Variants in RHOBTB1 observed in about 807,000 individuals in gnomAD.
RHOBTB1 encodes the protein rho-related BTB domain-containing protein 1.
A neutral mutation model predicts 71.6 loss-of-function variants in RHOBTB1; 40 were observed. That is an observed-to-expected ratio of 0.56 (90% CI 0.43 to 0.73). The LOEUF is 0.73. Among genes scored for constraint, RHOBTB1 ranks in the 30% least tolerant of loss-of-function variants. RHOBTB1 has a pLI of 0.00. For synonymous variants in RHOBTB1, 319 were observed against 334.9 expected, an observed-to-expected ratio of 0.95 and a Z score of 0.52; for missense variants, 797 against 894.0, an observed-to-expected ratio of 0.89 and a Z score of 1.38.
In RHOBTB1 at chr10:60,964,361, T is replaced by C. The variant is rs192833840; in HGVS notation, c.-62+21484A>G. Among the ~76,000 whole-genome samples the C allele has an allele frequency of 2.2e-4, 34 of 152,108 alleles. No homozygotes were observed. The East Asian group carries it at 5.2e-3, about 23-fold the overall frequency. ...CCACCACTGCCCTCTAGGGGACACA[T>C]GGAAAATAAGCAAAGTCTCTCAAGC... is the stretch of plus-strand genomic sequence containing the variant. On this transcript the variant is annotated intron_variant, in intron 2 of 11. Transcript: ENST00000357917.
At chr10:60,896,456 T>TG (rs1216939441) in intron 4 of RHOBTB1, among the ~76,000 whole-genome samples, 1 of 152,186 alleles carries the variant, frequency 6.6e-6, no homozygotes, top group Non-Finnish European at 1.5e-5. Flanking sequence ...TACAGATATT[T>TG]GGGGTAAAAA....
chr10:60,949,072 C>T (rs2085328854), upstream of RHOBTB1, among the ~76,000 whole-genome samples: 1 of 152,192 alleles, frequency 6.6e-6, no homozygotes, highest in African/African-American at 2.4e-5. Context: ...ACTGACTGTT[C>T]TGAGGCTCTT....
At position 60,888,244 on chromosome 10, in the gene RHOBTB1, A is replaced by G; in HGVS notation, c.1424T>C (p.Ile475Thr). Residue 475 changes from isoleucine (I) to threonine (T), a missense_variant, in exon 6 of 11, where the codon ATA becomes ACA. Physicochemically the swap from Ile to Thr is moderately conservative, Grantham distance 89. Around this residue, in one of 2 missense-constraint regions of RHOBTB1, gnomAD observed 658 missense variants for 681.5 expected, o/e 0.97. Coordinates refer to ENST00000337910, the MANE Select transcript of RHOBTB1 (RefSeq NM_014836.5). ...KAFHVRKANRIKECLSKGTFS... is the reference protein window; with the variant it reads ...KAFHVRKANRTKECLSKGTFS... ...CGTTCCCTTGCTGAGACACTCTTTT[A>G]TCCGATTGGCTTTCCTTACGTGAAA... 6.2e-7 allele frequency: 1 copy of G among 1,613,912 alleles called. No homozygotes were observed. Among genetic ancestry groups the G allele is most frequent in the Non-Finnish European group, 8.5e-7 (1 of 1,179,942 alleles).
At chr10:60,886,085 C>A (rs895519759) in intron 7 of RHOBTB1, 27 bp downstream of exon 7, 1 of 1,505,638 alleles carries the variant, frequency 6.6e-7, no homozygotes, top group South Asian at 1.1e-5. Context: ...CATAAAGACA[C>A]CACTATGCTT....
At chr10:60,987,741 A>G (rs1393660931) in intron 1 of RHOBTB1, among the ~76,000 whole-genome samples, 1 of 151,960 alleles carries the variant, frequency 6.6e-6, no homozygotes, top group Non-Finnish European at 1.5e-5. Context: ...TAAACTTTTC[A>G]AGTACGCTTT....
intron 4 of RHOBTB1, among the ~76,000 whole-genome samples, chr10:60,893,891 T>C (rs571434812): frequency 6.6e-6 from 1 of 152,184 alleles, no homozygotes; most frequent in Non-Finnish European, 1.5e-5. Flanking sequence ...TAAACCATCA[T>C]TCTAGGTTAA....
chr10:60,881,167 A>T (rs1442862655), intron 7 of RHOBTB1, among the ~76,000 whole-genome samples: 1 of 152,160 alleles, frequency 6.6e-6, no homozygotes, highest in Non-Finnish European at 1.5e-5. Flanking sequence ...GCCTGCTGCC[A>T]TGTAAGATGT....
chr10:60,971,466 T>C (rs2086155003), intron 2 of RHOBTB1, among the ~76,000 whole-genome samples: 1 of 152,062 alleles, frequency 6.6e-6, no homozygotes, highest in Non-Finnish European at 1.5e-5. Context: ...ATTAAAAAAA[T>C]GCTGTTGGGA....
Position 60,899,391 on chromosome 10 carries a change from C to T in RHOBTB1, c.297-6396G>A, listed in dbSNP as rs936042315. Among the ~76,000 whole-genome samples, 3 of 152,186 alleles carry T rather than the reference C, an allele frequency of 2.0e-5. No individual in the cohort carries two copies. In the South Asian group the frequency reaches 6.2e-4, roughly 31 times the overall value. On this transcript the variant is annotated intron_variant, in intron 4 of 10. Transcript: ENST00000337910. ...CTGAAGCTGAATGACTGAGGAACTT[C>T]CTTCCTCTACTTTTCATGTTTTCTT...
chr10:60,870,053 T>C lies in RHOBTB1; in HGVS notation c.*1429A>G, dbSNP rs2080707080. The C allele has an allele frequency of 6.5e-6, 1 of 152,710 alleles. No individual in the cohort carries two copies. 9.5% of individuals were successfully genotyped at this position (152,710 alleles called of 1,614,324 possible). ...ATCAACAGTCCTTGGCATTGGTAAT[T>C]TGACCTCCCAACAGAATGAGCCCCA... On this transcript the variant is annotated 3_prime_UTR_variant, in exon 11 of 11. Coordinates refer to ENST00000337910, the MANE Select transcript of RHOBTB1 (RefSeq NM_014836.5).
At chr10:60,916,892 C>T (rs1441244166) in intron 2 of RHOBTB1, among the ~76,000 whole-genome samples, 1 of 152,128 alleles carries the variant, frequency 6.6e-6, no homozygotes, top group Non-Finnish European at 1.5e-5. Context: ...AAGAGGTAGG[C>T]AGGAAGTCAG....
the RHOBTB1 span, among the ~76,000 whole-genome samples, chr10:60,862,831 TCCTCCCTCCCTCTCTCCCTC>T: frequency 1.4e-5 from 2 of 143,194 alleles, no homozygotes; most frequent in Non-Finnish European, 3.0e-5. Flanking sequence ...TTCATTCTTT[TCCTCCCTCCCTCTCTCCCTC>T]CCTCCCTCCC....
At chr10:60,997,345 G>C (rs555390266) in intron 1 of RHOBTB1, among the ~76,000 whole-genome samples, 7 of 152,208 alleles carry the variant, frequency 4.6e-5, no homozygotes, top group African/African-American at 1.7e-4. Context: ...CAGTTGTGTG[G>C]GTGCAATCTC....
At chr10:60,972,401 TGGAAACCATCATTCTCA>T (rs1434810079) in intron 2 of RHOBTB1, among the ~76,000 whole-genome samples, 8 of 152,088 alleles carry the variant, frequency 5.3e-5, no homozygotes, top group South Asian at 2.1e-4. Context: ...TGGATGAAGC[TGGAAACCATCATTCTCA>T]GCAAACTAAC....
intron 1 of RHOBTB1, among the ~76,000 whole-genome samples, chr10:60,943,277 G>C (rs1447398933): frequency 6.6e-6 from 1 of 152,228 alleles, no homozygotes; most frequent in Admixed American, 6.5e-5. Flanking sequence ...AAACGGTGCA[G>C]CTAACAGTAG....
At chr10:60,881,195 A>G (rs546044472) in intron 7 of RHOBTB1, among the ~76,000 whole-genome samples, 1 of 152,200 alleles carries the variant, frequency 6.6e-6, no homozygotes, top group South Asian at 2.1e-4. Context: ...GTCTTCCACC[A>G]TGATTGTGAG....
intron 2 of RHOBTB1, among the ~76,000 whole-genome samples, chr10:60,956,041 T>C (rs940477976): frequency 6.6e-6 from 1 of 152,196 alleles, no homozygotes; most frequent in Non-Finnish European, 1.5e-5. Flanking sequence ...GAGAAACATG[T>C]CCTTAGGCAA....
chr10:60,990,549 C>T (rs188796277), intron 1 of RHOBTB1, among the ~76,000 whole-genome samples: 3 of 152,280 alleles, frequency 2.0e-5, no homozygotes, highest in East Asian at 3.9e-4. Context: ...ATTCTCCATC[C>T]GTGCTCAATA....
chr10:60,990,438 G>C (rs867072892), intron 1 of RHOBTB1, among the ~76,000 whole-genome samples: 2 of 152,144 alleles, frequency 1.3e-5, no homozygotes, highest in Non-Finnish European at 2.9e-5. Context: ...CTCTCAAACA[G>C]GCAGGACGAC....
Sources: allele counts gnomAD v4.1 joint callset (sites outside exome capture counted in the v4.1 genomes callset), GRCh38; gene constraint gnomAD v4.1.1; regional missense constraint gnomAD v4.1.1; transcripts MANE v1.5; gene names NCBI Gene and HGNC (gene_info 2026-07-23, HGNC 2026-07-21).